The following USP49 variants were observed in gnomAD, a reference collection of about 807,000 sequenced individuals.
USP49 encodes ubiquitin specific peptidase 49, also known as ubiquitin carboxyl-terminal hydrolase 49.
Under a neutral mutation model 58.6 loss-of-function variants are expected in USP49, and 24 were observed. The observed-to-expected ratio is 0.41, with a 90% confidence interval of 0.30 to 0.58. USP49 has a LOEUF of 0.58. Ranked by LOEUF, USP49 falls within the 20% of genes least tolerant of loss-of-function variation. The pLI is 0.30. For synonymous variants in USP49, 408 were observed against 365.1 expected (o/e 1.12, Z -1.34); for missense variants, 703 against 866.1 (o/e 0.81, Z 2.36).
chr6:41,884,678 T>C (rs1774677216), intron 2 of USP49, among the ~76,000 whole-genome samples: 1 of 152,164 alleles, frequency 6.6e-6, no homozygotes, highest in Non-Finnish European at 1.5e-5. Context: ...CATGCATACA[T>C]TAATTTATTC....
chr6:41,845,951 G>C (rs934108599), intron 3 of USP49, among the ~76,000 whole-genome samples: 5 of 152,118 alleles, frequency 3.3e-5, no homozygotes, highest in Non-Finnish European at 2.9e-5. Flanking sequence ...TGTCTTCGCA[G>C]CCAAAAGGTA....
rs1561902624 is a variant in USP49, at chr6:41,802,452, A to ATTTTTTTTTTTTTTTTTTTTTT, written c.1561+1353_1561+1354insAAAAAAAAAAAAAAAAAAAAAA. On this transcript the variant is annotated intron_variant, in intron 5 of 7. Transcript: ENST00000682992. ...ATTTTATTTATTTATTTATTTATTTATTTATTTATTTATTTATTTTTTATT... is the reference window on the plus strand; with the variant it reads ...ATTTTATTTATTTATTTATTTATTTATTTTTTTTTTTTTTTTTTTTTTTTTATTTATTTATTTATTTTTTATT... 4.7e-5 allele frequency among the ~76,000 whole-genome samples: 3 copies of ATTTTTTTTTTTTTTTTTTTTTT among 63,832 alleles called. 1 individual carries two copies. Among genetic ancestry groups the ATTTTTTTTTTTTTTTTTTTTTT allele is most frequent in the Non-Finnish European group, 2.9e-5 (1 of 34,516 alleles). The allele number at this position is 63,832 out of a possible 152,430, so 41.9% of individuals were successfully genotyped here. A position where few individuals can be genotyped will look rare whatever the true frequency, so the allele number is the denominator to read the frequency against.
chr6:41,877,076 C>T (rs1774515561), intron 2 of USP49, among the ~76,000 whole-genome samples: 1 of 152,188 alleles, frequency 6.6e-6, no homozygotes, highest in South Asian at 2.1e-4. Flanking sequence ...CAGTGCACCA[C>T]ATAGAAAGCA....
At chr6:41,876,603 G>C (rs1167499875) in intron 2 of USP49, among the ~76,000 whole-genome samples, 5 of 151,912 alleles carry the variant, frequency 3.3e-5, no homozygotes, top group Non-Finnish European at 7.4e-5. Context: ...TGGTAAAGAG[G>C]GGGTTTCACC....
Position 41,803,611 on chromosome 6 carries a change from G to T in USP49, c.1561+195C>A, listed in dbSNP as rs747457766. 1.3e-5 allele frequency among the ~76,000 whole-genome samples: 2 copies of T among 152,110 alleles called. No individual in the cohort carries two copies. Among genetic ancestry groups the T allele is most frequent in the Non-Finnish European group, 2.9e-5 (2 of 68,000 alleles). Reference sequence around the variant, plus strand: ...GAGCCACAACGCCCAGCCTTGTTTTGTTTTTTAATACATAATTAAAACAAG... The same window carrying T: ...GAGCCACAACGCCCAGCCTTGTTTTTTTTTTTAATACATAATTAAAACAAG... On this transcript the variant is annotated intron_variant, in intron 5 of 7. Coordinates refer to ENST00000682992, the MANE Select transcript of USP49 (RefSeq NM_001286554.2). The surrounding 1 kb of genome is among the most constrained non-coding windows in gnomAD (Gnocchi z 4.1).
At chr6:41,860,959 A>T (rs1243011673) in intron 3 of USP49, among the ~76,000 whole-genome samples, 3 of 151,738 alleles carry the variant, frequency 2.0e-5, no homozygotes, top group Non-Finnish European at 4.4e-5. Flanking sequence ...GTGAAACCCC[A>T]TCTTTACTAA....
intron 3 of USP49, among the ~76,000 whole-genome samples, chr6:41,820,291 C>T (rs959135153): frequency 6.6e-6 from 1 of 151,672 alleles, no homozygotes; most frequent in African/African-American, 2.4e-5. Flanking sequence ...TGTGAAACCA[C>T]TGCAATTAAA....
chr6:41,833,932 T>C lies in USP49; in HGVS notation c.-28-26921A>G, dbSNP rs542853516. 3.3e-5 allele frequency among the ~76,000 whole-genome samples: 5 copies of C among 152,376 alleles called. No individual in the cohort carries two copies. In the East Asian group the frequency reaches 7.7e-4, roughly 23 times the overall value. On this transcript the variant is annotated intron_variant, in intron 3 of 7. Transcript: ENST00000682992. ...CCCTTTTGGCAAAACACTTCCAATG[T>C]TGGTAAAGTGAGCACAAAACTAGAA...
rs140404348 is a variant in USP49, at chr6:41,799,026, A to G, written c.1671-97T>C. ...TAAAACAGGAAACTGAGAAAATTTA[A>G]CCTTCTGGTTTTGGTTTTCCCATCA... On this transcript the variant is annotated intron_variant, in intron 6 of 7. Transcript: ENST00000682992. 28 of 1,465,876 alleles carry G rather than the reference A, an allele frequency of 1.9e-5. No homozygotes were observed. In the African/African-American group the frequency reaches 3.8e-4, roughly 20 times the overall value. The allele number at this position is 1,465,876 out of a possible 1,614,324, so 90.8% of individuals were successfully genotyped here.
At chr6:41,814,098 C>CT (rs1417927472) in intron 3 of USP49, among the ~76,000 whole-genome samples, 3 of 152,196 alleles carry the variant, frequency 2.0e-5, no homozygotes, top group African/African-American at 7.2e-5. Flanking sequence ...GTACCCAAAA[C>CT]TGATAAACTT....
chr6:41,893,005 G>C (rs573248419), intron 1 of USP49, among the ~76,000 whole-genome samples: 1 of 152,168 alleles, frequency 6.6e-6, no homozygotes, highest in South Asian at 2.1e-4. Context: ...ATTTCTAAAG[G>C]TGTCTTAAAA....
At chr6:41,851,067 A>C (rs1037048922) in intron 3 of USP49, among the ~76,000 whole-genome samples, 1 of 152,218 alleles carries the variant, frequency 6.6e-6, no homozygotes, top group Non-Finnish European at 1.5e-5. Flanking sequence ...CCAAACATTA[A>C]AAAATAATGA....
intron 3 of USP49, among the ~76,000 whole-genome samples, chr6:41,817,044 T>C (rs1027498473): frequency 1.3e-5 from 2 of 150,580 alleles, no homozygotes; most frequent in African/African-American, 2.5e-5. Context: ...CTCGCTATAC[T>C]GCCTAGGCTG....
intron 3 of USP49, 105 bp downstream of exon 3, chr6:41,871,459 T>A (rs972331441): frequency 2.0e-5 from 3 of 152,204 alleles, no homozygotes; most frequent in Non-Finnish European, 4.4e-5. Context: ...GACAAAACAG[T>A]AACTGATCAA....
chr6:41,802,432 A>ATTTTATTTTATTTTT (rs772710803), intron 5 of USP49, among the ~76,000 whole-genome samples: 2 of 58,772 alleles, frequency 3.4e-5, no homozygotes, highest in South Asian at 6.1e-4. Context: ...ATTTTATTTT[A>ATTTTATTTTATTTTT]TTTATTTATT....
intron 3 of USP49, among the ~76,000 whole-genome samples, chr6:41,838,234 C>A (rs961465919): frequency 5.3e-5 from 8 of 152,112 alleles, no homozygotes; most frequent in African/African-American, 1.9e-4. Flanking sequence ...TGGGTAATTC[C>A]ACTGCCTGCA....
chr6:41,805,807 G>A lies in USP49; in HGVS notation c.1177C>T (p.Arg393Cys). 2 of 1,614,046 alleles carry A rather than the reference G, an allele frequency of 1.2e-6. No homozygotes were observed. The highest frequency in any genetic ancestry group is 1.7e-6 in the Non-Finnish European group (2 of 1,180,018). ...TGCGCGTCCTGTTGGTCGTAGCCGC[G>A]GAAGGCAGGGATCAGGCTCCACACT... is the stretch of plus-strand genomic sequence containing the variant. ...HSVWSLIPAF[R>C]GYDQQDAQEF... The change falls in exon 4 of 8, where the codon CGC (arginine) becomes TGC (cysteine). Residue 393 changes from arginine to cysteine, a missense_variant. Transcript: ENST00000682992.
Position 41,796,241 on chromosome 6 carries a change from C to A in USP49, c.*292G>T, listed in dbSNP as rs796541205. The stretch of plus-strand genomic sequence containing the variant: ...TCCTGTGTGGATATGATTGATTTAC[C>A]CCCCCGCCCCGCTTTCCTCCACCCA... On this transcript the variant is annotated 3_prime_UTR_variant, in exon 8 of 8. Coordinates refer to ENST00000682992, the MANE Select transcript of USP49 (RefSeq NM_001286554.2). 7.0e-6 allele frequency: 2 copies of A among 286,990 alleles called. No homozygotes were observed. The highest frequency in any genetic ancestry group is 1.3e-5 in the Non-Finnish European group (2 of 150,660). 17.8% of individuals were successfully genotyped at this position (286,990 alleles called of 1,614,324 possible).
intron 2 of USP49, among the ~76,000 whole-genome samples, chr6:41,876,280 G>C (rs548295531): frequency 6.6e-6 from 1 of 152,266 alleles, no homozygotes; most frequent in African/African-American, 2.4e-5. Context: ...CATTGTCACT[G>C]CCAATGAATC....
Sources: gnomAD v4.1 joint callset for allele counts (sites outside exome capture counted in the v4.1 genomes callset) on GRCh38, gnomAD v4.1.1 for gene constraint, Gnocchi (gnomAD v3.1) non-coding constraint, MANE v1.5 for transcripts, NCBI Gene and HGNC (gene_info 2026-07-23, HGNC 2026-07-21) for gene names.